Variants in ROBO1 observed in about 807,000 individuals in gnomAD.
ROBO1 encodes the protein roundabout homolog 1.
In ROBO1, 149 loss-of-function variants were observed where a neutral mutation model predicts 195.9. The ratio of observed to expected loss-of-function variants is 0.76; its 90% confidence interval spans 0.67 to 0.87. The LOEUF (loss-of-function observed/expected upper bound fraction) is 0.87, where lower values mean the gene tolerates loss of function less well. ROBO1 is among the 40% of genes least tolerant of loss of function. ROBO1 has a pLI of 0.00. For synonymous variants in ROBO1, 816 were observed against 733.2 expected (o/e 1.11, Z -1.82); for missense variants, 1,933 against 2,068.3 (o/e 0.93, Z 1.27).
chr3:79,492,425 C>CAAAAAA lies in ROBO1; in HGVS notation c.88+97398_88+97399insTTTTTT, dbSNP rs745481519. 7.0e-5 allele frequency among the ~76,000 whole-genome samples: 6 copies of CAAAAAA among 85,668 alleles called. 1 individual carries two copies. Among genetic ancestry groups the CAAAAAA allele is most frequent in the Non-Finnish European group, 1.0e-4 (5 of 48,136 alleles). 56.2% of individuals were successfully genotyped at this position (85,668 alleles called of 152,430 possible). A position where few individuals can be genotyped will look rare whatever the true frequency, so the allele number is the denominator to read the frequency against. ...GGGCAATAAGAGTGAGACTCTGTTT[C>CAAAAAA]AGAAAAAAAAAAAAAAAAAAAGAGA... On this transcript the variant is annotated intron_variant, in intron 2 of 30. Coordinates refer to ENST00000464233, the MANE Select transcript of ROBO1 (RefSeq NM_002941.4).
intron 2 of ROBO1, among the ~76,000 whole-genome samples, chr3:79,241,522 A>G (rs2082517017): frequency 6.6e-6 from 1 of 152,070 alleles, no homozygotes; most frequent in Admixed American, 6.5e-5. Flanking sequence ...GAAATTAAAT[A>G]AGTTAAAACA....
At chr3:79,715,562 T>C (rs989473876) in intron 1 of ROBO1, among the ~76,000 whole-genome samples, 4 of 152,176 alleles carry the variant, frequency 2.6e-5, no homozygotes, top group Admixed American at 2.0e-4. Flanking sequence ...TATGTAAACA[T>C]AACTTCTACA....
chr3:79,161,417 C>T (rs1293363915), intron 2 of ROBO1, among the ~76,000 whole-genome samples: 2 of 151,878 alleles, frequency 1.3e-5, no homozygotes. Context: ...TTTTTTAAAT[C>T]AAGGTTTTAA....
At chr3:78,800,742 T>C (rs1349505994) in intron 4 of ROBO1, among the ~76,000 whole-genome samples, 1 of 152,030 alleles carries the variant, frequency 6.6e-6, no homozygotes. Flanking sequence ...TTTTTTGTAT[T>C]TTTAATAGAG....
At chr3:79,684,806 G>A (rs1254059868) in intron 1 of ROBO1, among the ~76,000 whole-genome samples, 2 of 151,980 alleles carry the variant, frequency 1.3e-5, no homozygotes, top group Admixed American at 1.3e-4. Context: ...CTCCTGAGTA[G>A]CTGGGACTAT....
intron 3 of ROBO1, among the ~76,000 whole-genome samples, chr3:78,955,213 G>A (rs956423629): frequency 6.9e-6 from 1 of 145,728 alleles, no homozygotes; most frequent in East Asian, 2.2e-4. Flanking sequence ...GGTAAACTGT[G>A]TGTCATGGGG....
chr3:79,042,043 G>A (rs1052858885), intron 3 of ROBO1, among the ~76,000 whole-genome samples: 1 of 152,062 alleles, frequency 6.6e-6, no homozygotes, highest in Non-Finnish European at 1.5e-5. Context: ...TGAGATCTTG[G>A]AACACTTTGG....
At chr3:79,767,334 G>A (rs1285721210) in intron 1 of ROBO1, among the ~76,000 whole-genome samples, 2 of 152,264 alleles carry the variant, frequency 1.3e-5, no homozygotes, top group Non-Finnish European at 2.9e-5. Flanking sequence ...CGCATCCCTA[G>A]AGCAAATTCC....
intron 1 of ROBO1, among the ~76,000 whole-genome samples, chr3:79,747,582 A>G (rs1305821536): frequency 1.3e-5 from 2 of 151,996 alleles, no homozygotes; most frequent in Admixed American, 6.6e-5. Context: ...TCCAGTTTAA[A>G]CTGCTTAATA....
chr3:79,318,833 C>A (rs2033852484), intron 2 of ROBO1, among the ~76,000 whole-genome samples: 1 of 151,994 alleles, frequency 6.6e-6, no homozygotes, highest in African/African-American at 2.4e-5. Context: ...AGGTCTAAGA[C>A]AAAGAGCCAC....
At chr3:79,745,896 C>G (rs1703855502) in intron 1 of ROBO1, among the ~76,000 whole-genome samples, 1 of 151,702 alleles carries the variant, frequency 6.6e-6, no homozygotes, top group Middle Eastern at 3.2e-3. Context: ...AATTATGAAC[C>G]CCTGCTTTTA....
intron 3 of ROBO1, among the ~76,000 whole-genome samples, chr3:79,013,469 A>G (rs1271780357): frequency 6.6e-6 from 1 of 152,192 alleles, no homozygotes; most frequent in East Asian, 1.9e-4. Flanking sequence ...CATTTTCTTA[A>G]TGACAGGAAG....
chr3:79,592,515 T>C (rs1944035822), intron 1 of ROBO1, among the ~76,000 whole-genome samples: 1 of 151,990 alleles, frequency 6.6e-6, no homozygotes, highest in Non-Finnish European at 1.5e-5. Flanking sequence ...ATCATTTCAG[T>C]ACTTTGAAGT....
chr3:78,719,268 T>C (rs2081984167), intron 5 of ROBO1, among the ~76,000 whole-genome samples: 1 of 152,176 alleles, frequency 6.6e-6, no homozygotes, highest in Non-Finnish European at 1.5e-5. Context: ...GAACGTAAAC[T>C]ACTATTGTTA....
intron 1 of ROBO1, among the ~76,000 whole-genome samples, chr3:79,745,224 C>A (rs1398990106): frequency 6.6e-6 from 1 of 152,054 alleles, no homozygotes; most frequent in Non-Finnish European, 1.5e-5. Context: ...CAAACTGAGA[C>A]CATATTCTTC....
At chr3:78,854,919 C>T (rs1347427485) in intron 4 of ROBO1, among the ~76,000 whole-genome samples, 1 of 151,932 alleles carries the variant, frequency 6.6e-6, no homozygotes, top group Non-Finnish European at 1.5e-5. Context: ...ATTTGTACTT[C>T]GATAGAATGA....
At chr3:79,620,202 C>T (rs918835997) in intron 1 of ROBO1, among the ~76,000 whole-genome samples, 3 of 152,164 alleles carry the variant, frequency 2.0e-5, no homozygotes, top group Non-Finnish European at 2.9e-5. Flanking sequence ...CTAACTCACC[C>T]GGCAACCACT....
intron 1 of ROBO1, among the ~76,000 whole-genome samples, chr3:79,757,829 T>C (rs1465535130): frequency 4.1e-5 from 3 of 73,644 alleles, no homozygotes; most frequent in Non-Finnish European, 9.2e-5. Context: ...TCAATCGCAT[T>C]TTTTATAGCC....
chr3:79,619,750 A>T (rs147334428), intron 1 of ROBO1, among the ~76,000 whole-genome samples: 1,641 of 152,282 alleles, frequency 0.011, 40 homozygotes, highest in African/African-American at 0.038. Context: ...CTGTTTGGCA[A>T]CAACCCTTAG....
Sources: gnomAD v4.1 joint callset for allele counts (sites outside exome capture counted in the v4.1 genomes callset) on GRCh38, gnomAD v4.1.1 for gene constraint, MANE v1.5 for transcripts, NCBI Gene and HGNC (gene_info 2026-07-23, HGNC 2026-07-21) for gene names.